C5orf52: variants seen among roughly 807,000 people sequenced by gnomAD.
The protein encoded by C5orf52 is uncharacterized protein C5orf52.
Under a neutral mutation model 16.8 loss-of-function variants are expected in C5orf52, and 15 were observed. The ratio of observed to expected loss-of-function variants is 0.89; its 90% CI spans 0.60 to 1.38. The LOEUF is 1.38. Among genes scored for constraint, C5orf52 ranks in the 40% most tolerant of loss-of-function variants. The probability of loss-of-function intolerance (pLI) is 0.00; values close to 1 mark genes in which losing one functional copy is unlikely to be tolerated. For missense variants in C5orf52, 206 were observed against 213.1 expected, an observed-to-expected ratio of 0.97 and a Z score of 0.21; for synonymous variants, 83 against 87.2, an observed-to-expected ratio of 0.95 and a Z score of 0.27.
chr5:157,680,079 A>C lies in C5orf52; in HGVS notation c.*80A>C. 2 of 1,331,884 alleles carry C rather than the reference A, an allele frequency of 1.5e-6. No individual in the cohort carries two copies. Among genetic ancestry groups the C allele is most frequent in the Non-Finnish European group, 2.0e-6 (2 of 981,134 alleles). 82.5% of individuals were successfully genotyped at this position (1,331,884 alleles called of 1,614,324 possible). On this transcript the variant is annotated 3_prime_UTR_variant, in exon 3 of 3. Transcript: ENST00000409999. ...CCAGGGTCACGATGACACCAGTGTG[A>C]CCCGAGGAGAACTAGTAACTACAAC... is the stretch of plus-strand genomic sequence containing the variant.
upstream of C5orf52, chr5:157,671,463 C>T: frequency 1.6e-6 from 1 of 640,808 alleles, no homozygotes; most frequent in Non-Finnish European, 2.7e-6. Context: ...CCCCCGTCCC[C>T]TTCCCCGCAG....
At chr5:157,676,861 CT>C (rs61514085) in intron 2 of C5orf52, among the ~76,000 whole-genome samples, 2 of 134,880 alleles carry the variant, frequency 1.5e-5, no homozygotes, top group Non-Finnish European at 3.2e-5. Flanking sequence ...TTTTAATTTC[CT>C]TTTTTTTTCT....
At chr5:157,679,687 C>T (rs78221044) in intron 2 of C5orf52, among the ~76,000 whole-genome samples, 154 bp from the exon 3 acceptor site, 3 of 152,158 alleles carry the variant, frequency 2.0e-5, no homozygotes, top group Non-Finnish European at 4.4e-5. Flanking sequence ...GAAATAGGCT[C>T]TCTGTGAGTC....
chr5:157,676,945 T>C (rs1209877171), intron 2 of C5orf52, among the ~76,000 whole-genome samples: 3 of 151,142 alleles, frequency 2.0e-5, no homozygotes, highest in Non-Finnish European at 4.4e-5. Flanking sequence ...CACAGCTTGC[T>C]GTAGCCTCAA....
chr5:157,678,055 A>G (rs72813221), intron 2 of C5orf52, among the ~76,000 whole-genome samples: 9,345 of 152,234 alleles, frequency 0.061, 433 homozygotes, highest in African/African-American at 0.12. Context: ...GATCAGAATA[A>G]TCTCAGGTGC....
At chr5:157,678,437 T>C (rs1759947649) in intron 2 of C5orf52, among the ~76,000 whole-genome samples, 1 of 152,192 alleles carries the variant, frequency 6.6e-6, no homozygotes, top group Admixed American at 6.6e-5. Flanking sequence ...CCTCAGTTTA[T>C]ATGCTAACTT....
At chr5:157,672,877 A>T (rs961037422) in intron 1 of C5orf52, among the ~76,000 whole-genome samples, 5 of 151,024 alleles carry the variant, frequency 3.3e-5, no homozygotes, top group Non-Finnish European at 7.4e-5. Context: ...TCTGGTCTGG[A>T]ACTCCTGACC....
At chr5:157,671,384 CCA>C, upstream of C5orf52, 1 of 552,424 alleles carries the variant, frequency 1.8e-6, no homozygotes, top group Non-Finnish European at 3.2e-6. Context: ...CCGGGTCTCA[CCA>C]CGGCGGATGC....
intron 1 of C5orf52, among the ~76,000 whole-genome samples, chr5:157,673,255 T>G (rs1023712299): frequency 1.3e-5 from 2 of 151,916 alleles, no homozygotes; most frequent in African/African-American, 4.8e-5. Context: ...GAGGATTGCT[T>G]GAGCCTGGGA....
chr5:157,678,515 G>A (rs1310697354), intron 2 of C5orf52, among the ~76,000 whole-genome samples: 2 of 152,114 alleles, frequency 1.3e-5, no homozygotes, highest in African/African-American at 4.8e-5. Context: ...GAAGTGCAGT[G>A]GCATAATCTC....
intron 2 of C5orf52, among the ~76,000 whole-genome samples, chr5:157,679,628 C>T (rs2098673): frequency 0.087 from 13,227 of 152,156 alleles, 731 homozygotes; most frequent in South Asian, 0.13. Context: ...TGAGCCACTG[C>T]GCCAGTCCTT....
At chr5:157,678,312 T>A (rs1341519750) in intron 2 of C5orf52, among the ~76,000 whole-genome samples, 1 of 152,194 alleles carries the variant, frequency 6.6e-6, no homozygotes, top group African/African-American at 2.4e-5. Context: ...CTTCAGATAA[T>A]GTTAGTGCTT....
chr5:157,675,113 A>G lies in C5orf52; in HGVS notation c.234A>G (p.Ala78=). 1 of 1,551,240 alleles carries G rather than the reference A, an allele frequency of 6.4e-7. No individual in the cohort carries two copies. The highest frequency in any genetic ancestry group is 8.7e-7 in the Non-Finnish European group (1 of 1,146,434). Residue 78 remains alanine (A), a synonymous_variant, in exon 2 of 3, where the codon GCA becomes GCG. Coordinates refer to ENST00000409999, the MANE Select transcript of C5orf52 (RefSeq NM_001145132.2). ...VLFSLMNSSE[A]AMKKTLPKSH... Reference sequence around the variant, plus strand: ...CCAGCTTAATGAATTCCAGTGAAGCAGCGATGAAAAAAACTTTACCCAAGA... The same window carrying G: ...CCAGCTTAATGAATTCCAGTGAAGCGGCGATGAAAAAAACTTTACCCAAGA...
chr5:157,674,280 A>G, intron 1 of C5orf52, among the ~76,000 whole-genome samples: 1 of 151,826 alleles, frequency 6.6e-6, no homozygotes, highest in East Asian at 1.9e-4. Flanking sequence ...TTTCATTTGC[A>G]TTTCTCCCTG....
At chr5:157,673,862 C>G (rs563931202) in intron 1 of C5orf52, among the ~76,000 whole-genome samples, 17 of 152,248 alleles carry the variant, frequency 1.1e-4, no homozygotes, top group African/African-American at 4.1e-4. Context: ...CCAGGCTGTT[C>G]TGGAACTCCT....
At chr5:157,674,663 G>GCCTACAGCTGT (rs1759862203) in intron 1 of C5orf52, among the ~76,000 whole-genome samples, 1 of 152,170 alleles carries the variant, frequency 6.6e-6, no homozygotes, top group Non-Finnish European at 1.5e-5. Flanking sequence ...AGCTACTCAG[G>GCCTACAGCTGT]AGGCCGAGGC....
chr5:157,672,565 A>G (rs965528290), intron 1 of C5orf52, among the ~76,000 whole-genome samples: 1 of 152,004 alleles, frequency 6.6e-6, no homozygotes, highest in African/African-American at 2.4e-5. Flanking sequence ...ACAAAAAAAA[A>G]CCAGGATTTG....
chr5:157,673,615 C>T (rs919625955), intron 1 of C5orf52, among the ~76,000 whole-genome samples: 81 of 152,118 alleles, frequency 5.3e-4, no homozygotes, highest in African/African-American at 1.8e-3. Context: ...CAATATTGTA[C>T]ATTTTGTTTC....
At chr5:157,678,087 G>A (rs1759940042) in intron 2 of C5orf52, among the ~76,000 whole-genome samples, 2 of 152,162 alleles carry the variant, frequency 1.3e-5, no homozygotes, top group Admixed American at 1.3e-4. Flanking sequence ...GGAGATTGCT[G>A]GCCCCCATCC....
Sources: allele counts gnomAD v4.1 joint callset (sites outside exome capture counted in the v4.1 genomes callset), GRCh38; gene constraint gnomAD v4.1.1; transcripts MANE v1.5; gene names NCBI Gene and HGNC (gene_info 2026-07-23, HGNC 2026-07-21).